PCGF3: variants seen among roughly 807,000 people sequenced by gnomAD.
PCGF3 encodes polycomb group ring finger 3, also known as polycomb group RING finger protein 3.
Under a neutral mutation model 33.1 loss-of-function variants are expected in PCGF3, and 7 were observed. The observed-to-expected ratio is 0.21, with a 90% confidence interval of 0.12 to 0.40. The LOEUF (loss-of-function observed/expected upper bound fraction) is 0.40, where lower values mean the gene tolerates loss of function less well. Ranked by LOEUF, PCGF3 falls within the 10% of genes least tolerant of loss-of-function variation. The pLI, the probability that PCGF3 is intolerant of heterozygous loss-of-function variation, is 1.00. For synonymous variants in PCGF3, 153 were observed against 121.3 expected (o/e 1.26, Z -1.72); for missense variants, 211 against 313.3 (o/e 0.67, Z 2.46).
intron 6 of PCGF3, among the ~76,000 whole-genome samples, chr4:739,506 C>T (rs1023567805): frequency 5.9e-5 from 9 of 152,188 alleles, no homozygotes; most frequent in African/African-American, 2.2e-4. Flanking sequence ...TTTGTTTATT[C>T]CAATCAGGAT....
Position 722,671 on chromosome 4 carries a change from C to T in PCGF3, c.-189-7959C>T, listed in dbSNP as rs1442414736. Among the ~76,000 whole-genome samples, 41 of 118,140 alleles carry T rather than the reference C, an allele frequency of 3.5e-4. 2 individuals carry two copies. Among genetic ancestry groups the T allele is most frequent in the Admixed American group, 3.2e-3 (38 of 11,904 alleles). 77.5% of individuals were successfully genotyped at this position (118,140 alleles called of 152,430 possible). A position where few individuals can be genotyped will look rare whatever the true frequency, so the allele number is the denominator to read the frequency against. ...CCACACTCGCGTCATCACCTGTCTG[C>T]GCTGGGTCCACACTCGCGTCATCAC... On this transcript the variant is annotated intron_variant, in intron 1 of 10. Transcript: ENST00000362003.
chr4:722,309 CGGCTGTGTGCTGCA>C (rs1743114881), intron 1 of PCGF3: 1 of 174,840 alleles, frequency 5.7e-6, no homozygotes, highest in South Asian at 1.2e-4. Flanking sequence ...GTTATCCAGA[CGGCTGTGTGCTGCA>C]GGCGCGACTC....
chr4:706,043 G>C (rs551314615), intron 1 of PCGF3, 73 bp downstream of exon 1: 311 of 152,644 alleles, frequency 2.0e-3, no homozygotes, highest in Non-Finnish European at 3.8e-3. Context: ...GCCCGTGTCC[G>C]GCCCGGAAGG....
At chr4:748,497 C>A (rs1744370433) in intron 8 of PCGF3, among the ~76,000 whole-genome samples, 1 of 152,164 alleles carries the variant, frequency 6.6e-6, no homozygotes, top group Non-Finnish European at 1.5e-5. Context: ...AGTAACGGAA[C>A]CTTAATTTTT....
intron 1 of PCGF3, among the ~76,000 whole-genome samples, chr4:710,664 C>T (rs550872522): frequency 4.0e-4 from 61 of 152,250 alleles, no homozygotes; most frequent in South Asian, 2.7e-3. Flanking sequence ...ATTTGTGATA[C>T]GTAAAAGAAG....
intron 9 of PCGF3, chr4:762,644 C>T (rs973280369): frequency 1.1e-4 from 17 of 152,422 alleles, no homozygotes; most frequent in African/African-American, 3.6e-4. Flanking sequence ...TCCCAGCTCC[C>T]AGAACTGTGC....
At chr4:744,628 C>G (rs1273440493) in exon 8 of PCGF3, 1 of 1,560,948 alleles carries the variant, frequency 6.4e-7, no homozygotes, top group East Asian at 2.4e-5. Context: ...ACAGTTCAAA[C>G]AAAGAGGCCG....
intron 8 of PCGF3, among the ~76,000 whole-genome samples, chr4:747,552 G>C (rs1744306750): frequency 5.3e-5 from 1 of 19,036 alleles, no homozygotes; most frequent in African/African-American, 1.9e-4. Flanking sequence ...CGGGGCCCGG[G>C]GTCGCTGCAG....
intron 5 of PCGF3, among the ~76,000 whole-genome samples, chr4:736,274 C>T (rs1485744957): frequency 2.0e-5 from 3 of 152,166 alleles, no homozygotes; most frequent in Non-Finnish European, 2.9e-5. Context: ...TTTCAAACTC[C>T]TGATCTCAGG....
At chr4:769,623 G>A (rs1422780030) in exon 11 of PCGF3, 1 of 151,256 alleles carries the variant, frequency 6.6e-6, no homozygotes, top group Non-Finnish European at 1.5e-5. Flanking sequence ...AGGCCCTGCA[G>A]GAACGCGCCG....
At chr4:766,010 T>G (rs753907311) in intron 10 of PCGF3, 22 bp from the exon 11 acceptor site, 2 of 1,612,916 alleles carry the variant, frequency 1.2e-6, no homozygotes, top group South Asian at 2.2e-5. Context: ...AAGCAGGCAC[T>G]GTGCGTTCTT....
chr4:768,575 A>G lies in PCGF3; in HGVS notation c.*2496A>G, dbSNP rs531718792. 6.6e-6 allele frequency: 1 copy of G among 152,330 alleles called. No individual in the cohort carries two copies. Among genetic ancestry groups the G allele is most frequent in the African/African-American group, 2.4e-5 (1 of 41,574 alleles). 9.4% of individuals were successfully genotyped at this position (152,330 alleles called of 1,614,324 possible). ...TAAATCACCTTATGCGTCGTTTTCA[A>G]CAGCAGTGGGGCTAATTACCCGGAA... On this transcript the variant is annotated 3_prime_UTR_variant, in exon 11 of 11. Coordinates refer to ENST00000362003, the Ensembl canonical transcript of PCGF3.
At chr4:751,058 C>T (rs1577431485) in intron 8 of PCGF3, among the ~76,000 whole-genome samples, 1 of 148,534 alleles carries the variant, frequency 6.7e-6, no homozygotes, top group Non-Finnish European at 1.5e-5. Flanking sequence ...TACATTTTTT[C>T]CCCTCTCCAT....
At chr4:752,084 C>T (rs529742803) in intron 8 of PCGF3, among the ~76,000 whole-genome samples, 28 of 152,348 alleles carry the variant, frequency 1.8e-4, no homozygotes, top group South Asian at 4.1e-4. Context: ...TTCTGTTTTC[C>T]GAGGGAGGGG....
intron 10 of PCGF3, among the ~76,000 whole-genome samples, chr4:765,708 T>TGGGGCTGGGCCAGAGGGTTTGAGGGAGAA (rs1473178050): frequency 2.1e-4 from 32 of 151,972 alleles, no homozygotes; most frequent in Non-Finnish European, 4.1e-4. Flanking sequence ...AAGGCTGGCC[T>TGGGGCTGGGCCAGAGGGTTTGAGGGAGAA]GGGGCTGGGC....
chr4:768,494 T>TG (rs1159480971), exon 11 of PCGF3: 2 of 151,740 alleles, frequency 1.3e-5, no homozygotes, highest in African/African-American at 2.4e-5. Flanking sequence ...TTTAAACAGA[T>TG]GGAGTTACTG....
intron 1 of PCGF3, among the ~76,000 whole-genome samples, chr4:730,384 G>A (rs1474202476): frequency 6.6e-6 from 1 of 151,640 alleles, no homozygotes; most frequent in Non-Finnish European, 1.5e-5. Flanking sequence ...CCCCACCCCC[G>A]TGGGCCACGT....
intron 1 of PCGF3, among the ~76,000 whole-genome samples, chr4:707,218 C>CG (rs1553840728): frequency 1.3e-5 from 2 of 151,396 alleles, no homozygotes; most frequent in African/African-American, 4.9e-5. Context: ...TGGCAGGGCC[C>CG]GGGGGGGCTA....
chr4:765,606 C>T (rs917899100), intron 10 of PCGF3, among the ~76,000 whole-genome samples: 1 of 152,240 alleles, frequency 6.6e-6, no homozygotes, highest in African/African-American at 2.4e-5. Flanking sequence ...AGAGGGTCCC[C>T]TGGGGCCTTT....
Sources: gnomAD v4.1 joint callset for allele counts (sites outside exome capture counted in the v4.1 genomes callset) on GRCh38, gnomAD v4.1.1 for gene constraint, MANE v1.5 for transcripts, NCBI Gene and HGNC (gene_info 2026-07-23, HGNC 2026-07-21) for gene names.